TENM2: variants seen among roughly 807,000 people sequenced by gnomAD.
TENM2 encodes teneurin transmembrane protein 2.
TENM2 carries 52 observed loss-of-function variants against 245.2 expected under a neutral mutation model. The ratio of observed to expected loss-of-function variants is 0.21; its 90% CI spans 0.17 to 0.27. The LOEUF is 0.27. TENM2 is among the 10% of genes least tolerant of loss of function. TENM2 has a pLI of 1.00. For synonymous variants in TENM2, 1,363 were observed against 1,438.9 expected, an observed-to-expected ratio of 0.95 and a Z score of 1.19; for missense variants, 3,046 against 3,666.8, an observed-to-expected ratio of 0.83 and a Z score of 4.37.
At chr5:168,211,539 T>C (rs1194403354) in intron 19 of TENM2, among the ~76,000 whole-genome samples, 195 bp from the exon 22 acceptor site, 1 of 152,190 alleles carries the variant, frequency 6.6e-6, no homozygotes, top group Non-Finnish European at 1.5e-5. Flanking sequence ...GATTGTCCAA[T>C]GTCTGGGAGG....
At chr5:167,662,002 G>A (rs920617624) in intron 2 of TENM2, among the ~76,000 whole-genome samples, 2 of 152,212 alleles carry the variant, frequency 1.3e-5, no homozygotes, top group African/African-American at 4.8e-5. Flanking sequence ...GAATAGAAGG[G>A]CCTGATTGGC....
intron 2 of TENM2, among the ~76,000 whole-genome samples, chr5:167,676,803 C>A (rs1756361247): frequency 2.0e-5 from 3 of 152,104 alleles, no homozygotes; most frequent in Non-Finnish European, 2.9e-5. Context: ...TAGAATTAAA[C>A]ACACATTTCC....
intron 2 of TENM2, among the ~76,000 whole-genome samples, chr5:167,703,747 G>A (rs776376296): frequency 6.6e-6 from 1 of 152,118 alleles, no homozygotes; most frequent in Non-Finnish European, 1.5e-5. Flanking sequence ...TCTCATTGAT[G>A]TACTGATTTC....
chr5:166,987,733 T>C, the TENM2 span, among the ~76,000 whole-genome samples: 1 of 152,086 alleles, frequency 6.6e-6, no homozygotes, highest in African/African-American at 2.4e-5. Context: ...AGTGAATAGA[T>C]AAATGACTCC....
chr5:167,790,501 G>A (rs1764875673), intron 2 of TENM2, among the ~76,000 whole-genome samples: 2 of 152,188 alleles, frequency 1.3e-5, no homozygotes. Context: ...AACGAAAATA[G>A]AGAGAGGAAT....
chr5:167,166,049 T>TA, the TENM2 span, among the ~76,000 whole-genome samples: 1 of 152,228 alleles, frequency 6.6e-6, no homozygotes. Context: ...CATAAGGCCA[T>TA]ATGAAGGGGG....
intron 2 of TENM2, among the ~76,000 whole-genome samples, chr5:167,385,980 A>G (rs1761412162): frequency 6.6e-6 from 1 of 151,810 alleles, no homozygotes; most frequent in Non-Finnish European, 1.5e-5. Context: ...TTGTGCTGCT[A>G]TAAACACGCG....
the TENM2 span, among the ~76,000 whole-genome samples, chr5:167,243,276 CT>C: frequency 6.6e-6 from 1 of 152,254 alleles, no homozygotes; most frequent in East Asian, 1.9e-4. Context: ...CATCTATACT[CT>C]TTTGTCTGGT....
At chr5:167,925,909 C>G (rs951875601) in intron 3 of TENM2, among the ~76,000 whole-genome samples, 19 of 152,118 alleles carry the variant, frequency 1.2e-4, no homozygotes, top group African/African-American at 4.6e-4. Context: ...ATGATAAGAA[C>G]TTATGAACAC....
chr5:167,853,882 C>CA (rs926758930), intron 2 of TENM2, among the ~76,000 whole-genome samples: 1 of 151,918 alleles, frequency 6.6e-6, no homozygotes, highest in East Asian at 1.9e-4. Context: ...AATAAGACCA[C>CA]AAAAAAAGTC....
chr5:167,312,921 T>TTC (rs3067273), intron 1 of TENM2, among the ~76,000 whole-genome samples: 72,188 of 146,294 alleles, frequency 0.49, 19,077 homozygotes, highest in Admixed American at 0.6. Context: ...TTTTTTTTTT[T>TTC]AAATGGAGCC....
chr5:167,574,392 G>C (rs1394318976), intron 2 of TENM2, among the ~76,000 whole-genome samples: 1 of 152,182 alleles, frequency 6.6e-6, no homozygotes, highest in Non-Finnish European at 1.5e-5. Context: ...AACCCTAGGA[G>C]ACAGCTGCCA....
chr5:167,090,116 T>A, the TENM2 span, among the ~76,000 whole-genome samples: 3 of 152,288 alleles, frequency 2.0e-5, no homozygotes, highest in South Asian at 2.1e-4. Context: ...TTTCTTTTTT[T>A]AAAATAATTT....
intron 2 of TENM2, among the ~76,000 whole-genome samples, chr5:167,635,785 C>T (rs929942889): frequency 6.6e-6 from 1 of 151,718 alleles, no homozygotes; most frequent in Non-Finnish European, 1.5e-5. Flanking sequence ...GCTGGGACTA[C>T]AGGCGCCTGC....
At chr5:167,532,319 A>G (rs7715415) in intron 2 of TENM2, among the ~76,000 whole-genome samples, 60,238 of 151,828 alleles carry the variant, frequency 0.4, 13,639 homozygotes, top group Non-Finnish European at 0.52. Flanking sequence ...TTTTATATAT[A>G]TATGTATATA....
At chr5:167,407,255 A>G (rs1176248627) in intron 2 of TENM2, among the ~76,000 whole-genome samples, 5 of 152,120 alleles carry the variant, frequency 3.3e-5, no homozygotes, top group African/African-American at 1.2e-4. Context: ...TAAGAACCAG[A>G]CTAAAAATAT....
the TENM2 span, among the ~76,000 whole-genome samples, chr5:167,094,393 G>T: frequency 0.022 from 3,376 of 151,966 alleles, 62 homozygotes; most frequent in South Asian, 0.086. Flanking sequence ...ATAAATTTGG[G>T]CTTTCTAGAG....
chr5:167,276,704 G>T, the TENM2 span, among the ~76,000 whole-genome samples: 1 of 151,968 alleles, frequency 6.6e-6, no homozygotes, highest in Non-Finnish European at 1.5e-5. Context: ...CCTTCTGTAT[G>T]CTTTAAATCA....
intron 2 of TENM2, among the ~76,000 whole-genome samples, chr5:167,610,976 C>A (rs574848309): frequency 6.6e-6 from 1 of 152,070 alleles, no homozygotes; most frequent in Non-Finnish European, 1.5e-5. Context: ...TAGACTAAGC[C>A]CTGGGAAAAC....
Sources: allele counts gnomAD v4.1 joint callset (sites outside exome capture counted in the v4.1 genomes callset), GRCh38; gene constraint gnomAD v4.1.1; transcripts MANE v1.5; gene names NCBI Gene and HGNC (gene_info 2026-07-23, HGNC 2026-07-21).